EPB41: variants seen among roughly 807,000 people sequenced by gnomAD.
EPB41 encodes the protein erythrocyte membrane protein band 4.1, also known as protein 4.1.
A neutral mutation model predicts 108.0 loss-of-function variants in EPB41; 65 were observed. The ratio of observed to expected loss-of-function variants is 0.60; its 90% CI spans 0.49 to 0.74. EPB41 has a LOEUF of 0.74. EPB41 is among the 30% of genes least tolerant of loss of function. The pLI is 0.00. For missense variants in EPB41, 875 were observed against 1,037.0 expected (o/e 0.84, Z 2.15); for synonymous variants, 336 against 358.9 (o/e 0.94, Z 0.72).
chr1:29,002,383 G>T (rs757171618), intron 4 of EPB41, among the ~76,000 whole-genome samples: 1 of 151,760 alleles, frequency 6.6e-6, no homozygotes, highest in Non-Finnish European at 1.5e-5. Context: ...GCCTGGGAAG[G>T]TGAGGCTGCA....
intron 1 of EPB41, among the ~76,000 whole-genome samples, chr1:28,892,491 G>A: frequency 6.6e-6 from 1 of 152,078 alleles, no homozygotes; most frequent in East Asian, 1.9e-4. Flanking sequence ...GGAGGCTGAG[G>A]TGGGTAGATC....
intron 7 of EPB41, among the ~76,000 whole-genome samples, chr1:29,019,104 G>A (rs2150072078): frequency 2.0e-5 from 3 of 152,184 alleles, no homozygotes; most frequent in Admixed American, 2.0e-4. Flanking sequence ...AGAAACTAGG[G>A]GGACTGCTAG....
At position 29,058,841 on chromosome 1, in the gene EPB41, A is replaced by T; in HGVS notation, c.1933A>T (p.Arg645Ter). Reference sequence around the variant, plus strand: ...TGCAGAAAAAACTGAAGATCTGATAAGAATGAGGAAGGTTAGCCATTTTTC... The same window carrying T: ...TGCAGAAAAAACTGAAGATCTGATATGAATGAGGAAGGTTAGCCATTTTTC... ...KLAEKTEDLI[R>*]MRKKKRERLD... Residue 645 changes from arginine to a stop codon, truncating the protein, a stop_gained, in exon 14 of 21, where the codon AGA becomes TGA. Transcript: ENST00000343067. LOFTEE classifies it high-confidence loss of function. 6.4e-7 allele frequency: 1 copy of T among 1,550,996 alleles called. No individual in the cohort carries two copies. Among genetic ancestry groups the T allele is most frequent in the Non-Finnish European group, 8.7e-7 (1 of 1,146,750 alleles).
At chr1:28,889,855 C>G (rs1351996400) in intron 1 of EPB41, 1 of 984,698 alleles carries the variant, frequency 1.0e-6, no homozygotes, top group Admixed American at 6.2e-5. Flanking sequence ...GGTCTGCCAG[C>G]CACAGACCTG....
At chr1:29,041,379 C>G (rs1196291279) in intron 11 of EPB41, 1 of 152,174 alleles carries the variant, frequency 6.6e-6, no homozygotes, top group Non-Finnish European at 1.5e-5. Context: ...ACTCAGGAGG[C>G]TGAGGCACGA....
chr1:29,071,832 G>A (rs1029184694), intron 16 of EPB41: 10 of 152,124 alleles, frequency 6.6e-5, no homozygotes, highest in African/African-American at 2.4e-4. Context: ...TCAAATATTT[G>A]TTTTGAAATC....
chr1:29,061,061 A>G (rs1194163840), intron 15 of EPB41, among the ~76,000 whole-genome samples: 1 of 152,102 alleles, frequency 6.6e-6, no homozygotes, highest in Non-Finnish European at 1.5e-5. Flanking sequence ...TTGTTATTTT[A>G]AAGATGACAA....
intron 17 of EPB41, among the ~76,000 whole-genome samples, chr1:29,099,413 C>T (rs1338317961): frequency 6.6e-6 from 1 of 152,058 alleles, no homozygotes; most frequent in Non-Finnish European, 1.5e-5. Flanking sequence ...GCAGCCTAGA[C>T]CTCCCAGGCT....
At chr1:28,890,005 ATTTTAT>A (rs145496390) in intron 1 of EPB41, 18,530 of 151,536 alleles carry the variant, frequency 0.12, 1,516 homozygotes, top group African/African-American at 0.23. Context: ...CTGATATTTT[ATTTTAT>A]TTTTATTTTT....
At chr1:28,996,023 G>A (rs1227006466) in intron 3 of EPB41, among the ~76,000 whole-genome samples, 1 of 152,148 alleles carries the variant, frequency 6.6e-6, no homozygotes, top group Non-Finnish European at 1.5e-5. Flanking sequence ...ATTTTTTGAA[G>A]TATTTTCATA....
intron 16 of EPB41, among the ~76,000 whole-genome samples, chr1:29,087,191 T>A (rs1659399097): frequency 6.6e-6 from 1 of 152,110 alleles, no homozygotes; most frequent in Admixed American, 6.5e-5. Context: ...TCCGCCCGCC[T>A]TGGCCTCCCA....
At chr1:29,039,215 GAATATATAAT>G in intron 10 of EPB41, 29 bp from the exon 11 acceptor site, 1 of 1,577,314 alleles carries the variant, frequency 6.3e-7, no homozygotes, top group Non-Finnish European at 8.7e-7. Flanking sequence ...ATAATAAGAT[GAATATATAAT>G]AATATGACTA....
At chr1:29,112,478 G>T in intron 19 of EPB41, 30 bp downstream of exon 19, 1 of 1,590,402 alleles carries the variant, frequency 6.3e-7, no homozygotes, top group African/African-American at 1.3e-5. Context: ...CTGGGCCTGG[G>T]AGGGGTCCCT....
chr1:29,010,710 C>T (rs2096485505), intron 4 of EPB41, among the ~76,000 whole-genome samples: 1 of 152,076 alleles, frequency 6.6e-6, no homozygotes, highest in African/African-American at 2.4e-5. Flanking sequence ...AGTGGGAGAA[C>T]AGTGAAGGAC....
At chr1:28,953,167 A>G (rs563953679) in intron 1 of EPB41, among the ~76,000 whole-genome samples, 1 of 152,092 alleles carries the variant, frequency 6.6e-6, no homozygotes, top group African/African-American at 2.4e-5. Context: ...CTTTCAGTCC[A>G]TAGGTATACT....
At chr1:28,888,376 A>G (rs966232980) in intron 1 of EPB41, among the ~76,000 whole-genome samples, 4 of 152,144 alleles carry the variant, frequency 2.6e-5, no homozygotes, top group Non-Finnish European at 4.4e-5. Context: ...CAAGCTCCCT[A>G]CCTCCACCCA....
intron 17 of EPB41, 89 bp downstream of exon 17, chr1:29,098,024 G>C: frequency 6.4e-7 from 1 of 1,574,260 alleles, no homozygotes; most frequent in East Asian, 2.3e-5. Context: ...TTATCGCCAA[G>C]AATACCAGGT....
At chr1:28,935,465 ACACCCCCCC>A (rs1200614550) in intron 1 of EPB41, among the ~76,000 whole-genome samples, 3 of 40,712 alleles carry the variant, frequency 7.4e-5, no homozygotes, top group African/African-American at 3.4e-4. Context: ...ACACACACAC[ACACCCCCCC>A]CCCCCCAAGA....
rs3838994 is a variant in EPB41, at chr1:29,119,820, AT to A, written c.*3016del. ...TGACAAAAATGAAGGAGCTTTGTAAATTTTTTTTAAAATTATGAATCATATC... is the reference window on the plus strand; with the variant it reads ...TGACAAAAATGAAGGAGCTTTGTAAATTTTTTTAAAATTATGAATCATATC... On this transcript the variant is annotated 3_prime_UTR_variant, in exon 21 of 21. Transcript: ENST00000343067. 122,004 of 152,588 alleles carry A rather than the reference AT, an allele frequency of 0.8. 49,410 individuals are homozygous for A. Among genetic ancestry groups the A allele is most frequent in the Non-Finnish European group, 0.87 (59,118 of 68,020 alleles). 9.5% of individuals were successfully genotyped at this position (152,588 alleles called of 1,614,324 possible). A position where few individuals can be genotyped will look rare whatever the true frequency, so the allele number is the denominator to read the frequency against.
Sources: allele counts gnomAD v4.1 joint callset (sites outside exome capture counted in the v4.1 genomes callset), GRCh38; gene constraint gnomAD v4.1.1; transcripts MANE v1.5; gene names NCBI Gene and HGNC (gene_info 2026-07-23, HGNC 2026-07-21).